AGAP1: variants seen among roughly 807,000 people sequenced by gnomAD.
AGAP1 encodes ArfGAP with GTPase domain, ankyrin repeat and PH domain 1, also known as arf-GAP with GTPase, ANK repeat and PH domain-containing protein 1.
A neutral mutation model predicts 105.3 loss-of-function variants in AGAP1; 29 were observed. The observed-to-expected ratio is 0.28, with a 90% confidence interval of 0.21 to 0.38. AGAP1 has a LOEUF of 0.38. Ranked by LOEUF, AGAP1 falls within the 10% of genes least tolerant of loss-of-function variation. The pLI, the probability that AGAP1 is intolerant of heterozygous loss-of-function variation, is 1.00. For synonymous variants in AGAP1, 509 were observed against 485.9 expected, an observed-to-expected ratio of 1.05 and a Z score of -0.63; for missense variants, 998 against 1,165.1, an observed-to-expected ratio of 0.86 and a Z score of 2.09.
At chr2:235,505,888 A>C (rs1941782787) in intron 1 of AGAP1, 1 of 143,212 alleles carries the variant, frequency 7.0e-6, no homozygotes, top group Non-Finnish European at 1.5e-5. Flanking sequence ...CTGATTATGG[A>C]TCCTGCTTGG....
intron 9 of AGAP1, among the ~76,000 whole-genome samples, chr2:235,846,297 C>T (rs548006965): frequency 1.1e-4 from 16 of 152,242 alleles, no homozygotes; most frequent in African/African-American, 3.6e-4. Context: ...GCATGTACAT[C>T]TTCTCAGAAG....
Position 235,663,060 on chromosome 2 carries a change from C to T in AGAP1, c.164-46119C>T, listed in dbSNP as rs1948013274. 6.6e-6 allele frequency among the ~76,000 whole-genome samples: 1 copy of T among 152,150 alleles called. No homozygotes were observed. Among genetic ancestry groups the T allele is most frequent in the Non-Finnish European group, 1.5e-5 (1 of 68,024 alleles). On this transcript the variant is annotated intron_variant, in intron 1 of 17. Coordinates refer to ENST00000304032, the MANE Select transcript of AGAP1 (RefSeq NM_001037131.3). This position sits in a 1 kb window ranked among gnomAD's most constrained non-coding sequence, Gnocchi z 5.4. ...GGAAGGAGAGCTGGGTATGGTGGCT[C>T]ACACCTGTAATCCCAGCACTTTGGG...
intron 9 of AGAP1, among the ~76,000 whole-genome samples, chr2:235,820,608 C>G (rs988297248): frequency 2.0e-5 from 3 of 152,222 alleles, no homozygotes; most frequent in Non-Finnish European, 4.4e-5. Flanking sequence ...CAGTCTCTAT[C>G]AGCCACAGCC....
At chr2:235,798,247 A>C (rs1957332168) in intron 7 of AGAP1, among the ~76,000 whole-genome samples, 1 of 152,112 alleles carries the variant, frequency 6.6e-6, no homozygotes, top group Non-Finnish European at 1.5e-5. Context: ...ATCTCGCTTT[A>C]TACTTAAATT....
intron 1 of AGAP1, among the ~76,000 whole-genome samples, chr2:235,589,207 T>TTTG (rs1559270897): frequency 5.2e-5 from 6 of 115,124 alleles, no homozygotes; most frequent in African/African-American, 2.6e-4. Flanking sequence ...TTTTTTTTTT[T>TTTG]TTTTTTTTTT....
At chr2:235,822,357 C>T (rs546643552) in intron 9 of AGAP1, among the ~76,000 whole-genome samples, 1 of 152,102 alleles carries the variant, frequency 6.6e-6, no homozygotes, top group South Asian at 2.1e-4. Flanking sequence ...CTGGGGAAAC[C>T]TAGAGGTGAG....
intron 6 of AGAP1, among the ~76,000 whole-genome samples, chr2:235,764,535 T>C (rs1244278811): frequency 6.6e-6 from 1 of 152,226 alleles, no homozygotes; most frequent in East Asian, 1.9e-4. Flanking sequence ...CAGAACTCAG[T>C]CACTGACAGG....
At chr2:235,839,504 C>G (rs1040757180) in intron 9 of AGAP1, among the ~76,000 whole-genome samples, 3 of 134,554 alleles carry the variant, frequency 2.2e-5, no homozygotes, top group Non-Finnish European at 4.4e-5. Flanking sequence ...CTCAGCACTT[C>G]GGGAGGCCAG....
chr2:235,728,301 C>CTGTGTGTGTGTGTGTGTGTGTG lies in AGAP1; in HGVS notation c.310+10662_310+10683dup, dbSNP rs143714801. ...ATCTGAAAAGGACTGGGCCCAGACT[C>CTGTGTGTGTGTGTGTGTGTGTG]TGTGTGTGTGTGTGTGTGTGTGTGT... On this transcript the variant is annotated intron_variant, in intron 3 of 17. Coordinates refer to ENST00000304032, the MANE Select transcript of AGAP1 (RefSeq NM_001037131.3). This position sits in a 1 kb window ranked among gnomAD's most constrained non-coding sequence, Gnocchi z 4.3. 2.5e-4 allele frequency among the ~76,000 whole-genome samples: 37 copies of CTGTGTGTGTGTGTGTGTGTGTG among 148,622 alleles called. No individual in the cohort carries two copies. The highest frequency in any genetic ancestry group is 8.4e-4 in the African/African-American group (34 of 40,268).
At chr2:235,926,482 A>C (rs1329055138) in intron 11 of AGAP1, among the ~76,000 whole-genome samples, 1 of 152,188 alleles carries the variant, frequency 6.6e-6, no homozygotes, top group Non-Finnish European at 1.5e-5. Flanking sequence ...AGATGTCTTC[A>C]TGCATTTACG....
rs772888962 is a variant in AGAP1, at chr2:235,960,982, C to T, written c.1484-7480C>T. Among the ~76,000 whole-genome samples, 28 of 152,190 alleles carry T rather than the reference C, an allele frequency of 1.8e-4. No individual in the cohort carries two copies. The highest frequency in any genetic ancestry group is 3.9e-4 in the Admixed American group (6 of 15,284). ...CAGAAAGTGGTCCGTTCCATCCACCCGCGCAAGTGTCTGTCACACAGAGGT... is the reference window on the plus strand; with the variant it reads ...CAGAAAGTGGTCCGTTCCATCCACCTGCGCAAGTGTCTGTCACACAGAGGT... On this transcript the variant is annotated intron_variant, in intron 12 of 17. Coordinates refer to ENST00000304032, the MANE Select transcript of AGAP1 (RefSeq NM_001037131.3). This position sits in a 1 kb window ranked among gnomAD's most constrained non-coding sequence, Gnocchi z 4.9.
rs1052281043 is a variant in AGAP1, at chr2:235,864,274, G to A, written c.1051-19071G>A. On this transcript the variant is annotated intron_variant, in intron 9 of 17. Coordinates refer to ENST00000304032, the MANE Select transcript of AGAP1 (RefSeq NM_001037131.3). The surrounding 1 kb of genome is among the most constrained non-coding windows in gnomAD (Gnocchi z 5.0). ...GTAGTCCCGTGAACTCTGCATTTTC[G>A]CAGAATGCCCCCATCATGTGAAGGG... Among the ~76,000 whole-genome samples the A allele has an allele frequency of 1.3e-5, 2 of 152,126 alleles. No individual in the cohort carries two copies.
At position 236,123,475 on chromosome 2, in the gene AGAP1, C is replaced by G. The variant is rs2059948638; in HGVS notation, c.2371-444C>G. Among the ~76,000 whole-genome samples the G allele has an allele frequency of 6.6e-6, 1 of 152,124 alleles. No homozygotes were observed. The highest frequency in any genetic ancestry group is 1.5e-5 in the Non-Finnish European group (1 of 68,022). ...CATATACATGTAGATTCAAAGAAAA[C>G]TCATTGAAAGGAAATACACTAATTC... On this transcript the variant is annotated intron_variant, in intron 17 of 17. Coordinates refer to ENST00000304032, the MANE Select transcript of AGAP1 (RefSeq NM_001037131.3). This position sits in a 1 kb window ranked among gnomAD's most constrained non-coding sequence, Gnocchi z 4.6.
In AGAP1 at chr2:235,865,767, A is replaced by G. The variant is rs140950672; in HGVS notation, c.1051-17578A>G. Among the ~76,000 whole-genome samples, 77 of 152,328 alleles carry G rather than the reference A, an allele frequency of 5.1e-4. No individual in the cohort carries two copies. Among genetic ancestry groups the G allele is most frequent in the African/African-American group, 1.8e-3 (73 of 41,566 alleles). ...TTAAACTAGAGAGAAAGTTAAAAAGATTTAGTAGCGGCAGAGCTTGTGTCT... is the reference window on the plus strand; with the variant it reads ...TTAAACTAGAGAGAAAGTTAAAAAGGTTTAGTAGCGGCAGAGCTTGTGTCT... On this transcript the variant is annotated intron_variant, in intron 9 of 17. Transcript: ENST00000304032. The surrounding 1 kb of genome is among the most constrained non-coding windows in gnomAD (Gnocchi z 6.2).
At chr2:235,675,595 T>C (rs1482608344) in intron 1 of AGAP1, among the ~76,000 whole-genome samples, 3 of 152,352 alleles carry the variant, frequency 2.0e-5, no homozygotes, top group Non-Finnish European at 4.4e-5. Flanking sequence ...TTGTTACAAT[T>C]GAACATTCCT....
chr2:235,948,662 C>T (rs2053603462), intron 12 of AGAP1, among the ~76,000 whole-genome samples: 2 of 151,998 alleles, frequency 1.3e-5, no homozygotes, highest in South Asian at 4.2e-4. Flanking sequence ...AGAGATGGGT[C>T]CTCAGCTGGC....
rs1369539575 is a variant in AGAP1, at chr2:235,664,907, C to T, written c.164-44272C>T. On this transcript the variant is annotated intron_variant, in intron 1 of 17. Transcript: ENST00000304032. The surrounding 1 kb of genome is among the most constrained non-coding windows in gnomAD (Gnocchi z 5.7). ...GACCCACCTGTGCAATATAGTGAGA[C>T]CCCCATCTTTACCATAAATGAAAAA... Among the ~76,000 whole-genome samples the T allele has an allele frequency of 6.6e-6, 1 of 152,094 alleles. No individual in the cohort carries two copies. The highest frequency in any genetic ancestry group is 1.5e-5 in the Non-Finnish European group (1 of 68,024).
At position 235,725,769 on chromosome 2, in the gene AGAP1, C is replaced by A. The variant is rs77900122; in HGVS notation, c.310+8125C>A. ...AACCTGATCACTCACCATGGAAATA[C>A]CATTCCCCTTTGTTCTTGTCTTCCT... On this transcript the variant is annotated intron_variant, in intron 3 of 17. Coordinates refer to ENST00000304032, the MANE Select transcript of AGAP1 (RefSeq NM_001037131.3). This position sits in a 1 kb window ranked among gnomAD's most constrained non-coding sequence, Gnocchi z 5.7. Among the ~76,000 whole-genome samples the A allele has an allele frequency of 6.4e-3, 974 of 152,274 alleles. 17 individuals carry two copies. The highest frequency in any genetic ancestry group is 0.022 in the African/African-American group (928 of 41,552).
rs1198230295 is a variant in AGAP1, at chr2:235,578,193, C to G, written c.163+83344C>G. 4.6e-5 allele frequency among the ~76,000 whole-genome samples: 7 copies of G among 152,112 alleles called. No homozygotes were observed. Among genetic ancestry groups the G allele is most frequent in the African/African-American group, 7.2e-5 (3 of 41,430 alleles). The stretch of plus-strand genomic sequence containing the variant: ...GCCACCAAGGTTGGAGCTGAGCCCC[C>G]CATGTCATGAAACTGCCACTGTCAG... On this transcript the variant is annotated intron_variant, in intron 1 of 17. Coordinates refer to ENST00000304032, the MANE Select transcript of AGAP1 (RefSeq NM_001037131.3). The surrounding 1 kb of genome is among the most constrained non-coding windows in gnomAD (Gnocchi z 4.9).
Sources: gnomAD v4.1 joint callset for allele counts (sites outside exome capture counted in the v4.1 genomes callset) on GRCh38, gnomAD v4.1.1 for gene constraint, Gnocchi (gnomAD v3.1) non-coding constraint, MANE v1.5 for transcripts, NCBI Gene and HGNC (gene_info 2026-07-23, HGNC 2026-07-21) for gene names.